Variants in PLPP4 observed in about 807,000 individuals in gnomAD.
PLPP4 encodes the protein phospholipid phosphatase 4.
PLPP4 carries 20 observed loss-of-function variants against 32.2 expected under a neutral mutation model. The ratio of observed to expected loss-of-function variants is 0.62; its 90% CI spans 0.44 to 0.90. The LOEUF (loss-of-function observed/expected upper bound fraction) is 0.90. Among genes scored for constraint, PLPP4 ranks in the 40% least tolerant of loss-of-function variants. The pLI is 0.00. For synonymous variants in PLPP4, 127 were observed against 133.0 expected (o/e 0.95, Z 0.31); for missense variants, 257 against 353.1 (o/e 0.73, Z 2.18).
chr10:120,460,731 AAAT>A (rs1192773644), intron 1 of PLPP4, among the ~76,000 whole-genome samples: 1 of 152,188 alleles, frequency 6.6e-6, no homozygotes, highest in East Asian at 1.9e-4. Context: ...GCTTCATAAA[AAAT>A]AGCAGCCAGT....
chr10:120,586,100 T>C (rs1243276326), intron 6 of PLPP4, among the ~76,000 whole-genome samples: 1 of 151,132 alleles, frequency 6.6e-6, no homozygotes, highest in African/African-American at 2.4e-5. Context: ...AGAGAAGATA[T>C]GACCTATTTT....
intron 5 of PLPP4, among the ~76,000 whole-genome samples, chr10:120,522,481 C>T: frequency 6.6e-6 from 1 of 152,204 alleles, no homozygotes; most frequent in East Asian, 1.9e-4. Flanking sequence ...CCAGCTCTGA[C>T]AGGAATAGCT....
chr10:120,584,636 T>C (rs74560459), intron 6 of PLPP4, among the ~76,000 whole-genome samples: 1,836 of 152,324 alleles, frequency 0.012, 19 homozygotes, highest in Non-Finnish European at 0.019. Context: ...GGCTTTCTTG[T>C]CCCCTGCTTG....
At chr10:120,548,874 CT>C (rs1242941484) in intron 5 of PLPP4, among the ~76,000 whole-genome samples, 2 of 152,000 alleles carry the variant, frequency 1.3e-5, no homozygotes, top group African/African-American at 4.8e-5. Flanking sequence ...TGAATGTCTT[CT>C]TTTCAAAAGT....
At chr10:120,474,746 A>G (rs1843819154) in intron 1 of PLPP4, among the ~76,000 whole-genome samples, 1 of 152,214 alleles carries the variant, frequency 6.6e-6, no homozygotes, top group African/African-American at 2.4e-5. Context: ...ATGATATGAT[A>G]ATGATGAGAA....
intron 5 of PLPP4, among the ~76,000 whole-genome samples, chr10:120,559,771 C>T (rs1439424481): frequency 6.6e-6 from 1 of 152,144 alleles, no homozygotes; most frequent in Non-Finnish European, 1.5e-5. Flanking sequence ...ACTACATCTA[C>T]ATGTATCATT....
rs549055466 is a variant in PLPP4 at position 120,580,680 on chromosome 10, C to T, written c.616+5379C>T. On this transcript the variant is annotated intron_variant, in intron 6 of 6. Transcript: ENST00000398250. ...ACACACACACACACACACACACACA[C>T]GGCTGAGGGACATACACTGTTATAA... Among the ~76,000 whole-genome samples the T allele has an allele frequency of 4.7e-3, 698 of 148,270 alleles. 13 individuals carry two copies. Among genetic ancestry groups the T allele is most frequent in the African/African-American group, 0.016 (655 of 40,282 alleles).
intron 5 of PLPP4, among the ~76,000 whole-genome samples, chr10:120,563,806 CAAAAAAAAAAAAAAAAAAAAAA>C (rs139746974): frequency 1.2e-5 from 1 of 86,484 alleles, no homozygotes; most frequent in Non-Finnish European, 2.1e-5. Context: ...GACTCCGTCT[CAAAAAAAAAAAAAAAAAAAAAA>C]AAAAAAAAAT....
intron 5 of PLPP4, among the ~76,000 whole-genome samples, chr10:120,523,296 A>G (rs1025302729): frequency 1.3e-5 from 2 of 151,794 alleles, no homozygotes; most frequent in African/African-American, 4.9e-5. Context: ...GTGAGACTCC[A>G]TCTCAAGAAA....
At chr10:120,540,695 A>T (rs1191908771) in intron 5 of PLPP4, among the ~76,000 whole-genome samples, 5 of 152,244 alleles carry the variant, frequency 3.3e-5, no homozygotes, top group African/African-American at 7.2e-5. Flanking sequence ...TGGACATTAA[A>T]CAAATAATTA....
chr10:120,577,995 G>A (rs1351349426), intron 6 of PLPP4, among the ~76,000 whole-genome samples: 1 of 152,180 alleles, frequency 6.6e-6, no homozygotes, highest in Non-Finnish European at 1.5e-5. Context: ...GCCATCCAAT[G>A]GGTGGAGGGT....
At chr10:120,516,881 A>G (rs1226060069) in intron 3 of PLPP4, among the ~76,000 whole-genome samples, 2 of 152,198 alleles carry the variant, frequency 1.3e-5, no homozygotes, top group Non-Finnish European at 2.9e-5. Flanking sequence ...CAGTAAAAAT[A>G]TTAAGCAGTT....
intron 1 of PLPP4, among the ~76,000 whole-genome samples, chr10:120,481,599 G>T (rs1233336835): frequency 6.6e-6 from 1 of 152,142 alleles, no homozygotes; most frequent in East Asian, 1.9e-4. Flanking sequence ...TTATACAACT[G>T]GGTCCTTACA....
chr10:120,524,316 G>A (rs907498183), intron 5 of PLPP4, among the ~76,000 whole-genome samples: 4 of 152,046 alleles, frequency 2.6e-5, no homozygotes, highest in Admixed American at 6.5e-5. Context: ...CCTCAGAGGG[G>A]GTGACCTAAG....
At chr10:120,537,182 C>G (rs1847070800) in intron 5 of PLPP4, among the ~76,000 whole-genome samples, 2 of 152,162 alleles carry the variant, frequency 1.3e-5, no homozygotes, top group Non-Finnish European at 2.9e-5. Context: ...AGCAATCTCA[C>G]TTCTGAGTCC....
intron 5 of PLPP4, among the ~76,000 whole-genome samples, chr10:120,574,524 A>G (rs1002352757): frequency 1.2e-4 from 19 of 152,200 alleles, no homozygotes; most frequent in Non-Finnish European, 2.2e-4. Flanking sequence ...TCGGACAGAA[A>G]ACAAGGTATT....
chr10:120,524,626 C>T (rs1846308225), intron 5 of PLPP4, among the ~76,000 whole-genome samples: 1 of 152,182 alleles, frequency 6.6e-6, no homozygotes, highest in South Asian at 2.1e-4. Context: ...AGCCAAACAA[C>T]ACTTGTCTGA....
intron 1 of PLPP4, among the ~76,000 whole-genome samples, chr10:120,473,138 A>G (rs1268562270): frequency 1.3e-5 from 2 of 152,276 alleles, no homozygotes; most frequent in Admixed American, 6.5e-5. Flanking sequence ...TTGCATGTCT[A>G]GTAACTATTA....
At chr10:120,482,865 T>TGTCCACATCCTCATTCCTGGAG (rs1844272441) in intron 1 of PLPP4, among the ~76,000 whole-genome samples, 1 of 152,022 alleles carries the variant, frequency 6.6e-6, no homozygotes, top group Admixed American at 6.5e-5. Context: ...TGAGCCGAGA[T>TGTCCACATCCTCATTCCTGGAG]CGCACCACTG....
Sources: gnomAD v4.1 joint callset for allele counts (sites outside exome capture counted in the v4.1 genomes callset) on GRCh38, gnomAD v4.1.1 for gene constraint, MANE v1.5 for transcripts, NCBI Gene and HGNC (gene_info 2026-07-23, HGNC 2026-07-21) for gene names.